The following PROSER1 variants were observed in gnomAD, a reference collection of about 807,000 sequenced individuals.
PROSER1 encodes the protein proline and serine-rich protein 1.
In PROSER1, 36 loss-of-function variants were observed where a neutral mutation model predicts 71.8. The ratio of observed to expected loss-of-function variants is 0.50; its 90% CI spans 0.38 to 0.66. PROSER1 has a LOEUF of 0.66. Among genes scored for constraint, PROSER1 ranks in the 30% least tolerant of loss-of-function variants. The probability of loss-of-function intolerance (pLI) is 0.00; values close to 1 mark genes in which losing one functional copy is unlikely to be tolerated. For missense variants in PROSER1, 1,107 were observed against 1,135.0 expected (o/e 0.98, Z 0.35); for synonymous variants, 490 against 452.4 (o/e 1.08, Z -1.06).
At chr13:39,020,766 G>A (rs923365407) in intron 9 of PROSER1, among the ~76,000 whole-genome samples, 3 of 152,140 alleles carry the variant, frequency 2.0e-5, no homozygotes, top group Non-Finnish European at 1.5e-5. Flanking sequence ...CTGGTATAGG[G>A]TTTTTGGAGA....
rs747366923 is a variant in PROSER1 at position 39,022,364 on chromosome 13, G to A, written c.692C>T (p.Pro231Leu). 6.2e-7 allele frequency: 1 copy of A among 1,612,806 alleles called. No individual in the cohort carries two copies. The change falls in exon 9 of 13, where the codon CCA (proline) becomes CTA (leucine). Residue 231 changes from proline to leucine, a missense_variant. By Grantham distance (98) the Pro-to-Leu change is moderately conservative. Transcript: ENST00000352251. ...GLVPLANVIA[P>L]PPPPYTPNPV... is the part of the protein sequence containing the mutation. ...ATTAGGAGTATATGGAGGTGGAGGT[G>A]GAGCTATGACATTCGCTAATGGTAC...
rs147842168 is a variant in PROSER1, at chr13:39,012,847, G to T, written c.2405C>A (p.Ala802Asp). The change falls in exon 11 of 13, where the codon GCT becomes GAT. Residue 802 changes from alanine to aspartate, a missense_variant. Transcript: ENST00000352251. The part of the protein sequence containing the change: ...SVSNTPSVTP[A>D]LPSFPGLQAP... ...CTGCAGCCCCGGGAATGAGGGAAGA[G>T]CAGGGGTAACGCTTGGGGTATTAGA... 1 of 1,614,226 alleles carries T rather than the reference G, an allele frequency of 6.2e-7. No homozygotes were observed. The highest frequency in any genetic ancestry group is 1.1e-5 in the South Asian group (1 of 91,080).
chr13:39,009,873 AAAG>A lies in PROSER1; in HGVS notation c.*1489_*1491del, dbSNP rs1289464558. On this transcript the variant is annotated 3_prime_UTR_variant, in exon 13 of 13. Coordinates refer to ENST00000352251, the MANE Select transcript of PROSER1 (RefSeq NM_025138.5). ...ATATAAAAAACACAATATAATCTTA[AAAG>A]AAGTTTTATGGGTATAGATTTAAGA... is the stretch of plus-strand genomic sequence containing the variant. 1 of 152,640 alleles carries A rather than the reference AAAG, an allele frequency of 6.6e-6. No homozygotes were observed. The highest frequency in any genetic ancestry group is 2.4e-5 in the African/African-American group (1 of 41,456). 9.5% of individuals were successfully genotyped at this position (152,640 alleles called of 1,614,324 possible).
Position 39,037,514 on chromosome 13 carries a change from G to C in PROSER1, c.-272C>G, listed in dbSNP as rs971295179. 8 of 356,182 alleles carry C rather than the reference G, an allele frequency of 2.2e-5. No homozygotes were observed. Among genetic ancestry groups the C allele is most frequent in the Non-Finnish European group, 3.5e-5 (7 of 197,384 alleles). 22.1% of individuals were successfully genotyped at this position (356,182 alleles called of 1,614,324 possible). A position where few individuals can be genotyped will look rare whatever the true frequency, so the allele number is the denominator to read the frequency against. On this transcript the variant is annotated 5_prime_UTR_variant, in exon 1 of 13. Coordinates refer to ENST00000352251, the MANE Select transcript of PROSER1 (RefSeq NM_025138.5). ...TTCACACAATGGTTCAGGGCACCTC[G>C]GGCAAGAGCCAGGTCCTCTGAGTTT...
At chr13:39,015,603 T>C (rs1251813414) in intron 10 of PROSER1, among the ~76,000 whole-genome samples, 1 of 151,788 alleles carries the variant, frequency 6.6e-6, no homozygotes, top group African/African-American at 2.4e-5. Flanking sequence ...AGGAAGAAAA[T>C]GGAGGTAAAC....
Position 39,028,340 on chromosome 13 carries a change from T to C in PROSER1, c.276-20A>G, listed in dbSNP as rs772696731. The C allele has an allele frequency of 2.8e-6, 4 of 1,450,638 alleles. No homozygotes were observed. The highest frequency in any genetic ancestry group is 1.7e-5 in the Admixed American group (1 of 58,932). The allele number at this position is 1,450,638 out of a possible 1,614,324, so 89.9% of individuals were successfully genotyped here. A position where few individuals can be genotyped will look rare whatever the true frequency, so the allele number is the denominator to read the frequency against. On this transcript the variant is annotated intron_variant, in intron 4 of 12. Coordinates refer to ENST00000352251, the MANE Select transcript of PROSER1 (RefSeq NM_025138.5). Reference sequence around the variant, plus strand: ...ATGTTCCTACCAAGAAAACACAATTTAGCTTTTTGTTTAAAAATCTGAACA... The same window carrying C: ...ATGTTCCTACCAAGAAAACACAATTCAGCTTTTTGTTTAAAAATCTGAACA...
intron 7 of PROSER1, chr13:39,023,393 C>G: frequency 3.1e-6 from 1 of 327,582 alleles, no homozygotes; most frequent in South Asian, 6.3e-5. Flanking sequence ...GGGGTTAGAT[C>G]TCATTGTAAA....
chr13:39,019,426 G>T (rs188695122), intron 9 of PROSER1, among the ~76,000 whole-genome samples: 1 of 143,436 alleles, frequency 7.0e-6, no homozygotes, highest in African/African-American at 2.6e-5. Context: ...TGAGGCAGGA[G>T]AATTGCTTGA....
chr13:39,037,385 A>G lies in PROSER1; in HGVS notation c.-143T>C, dbSNP rs1025063867. 2.4e-5 allele frequency: 16 copies of G among 666,160 alleles called. No homozygotes were observed. Among genetic ancestry groups the G allele is most frequent in the African/African-American group, 2.2e-4 (12 of 54,740 alleles). The allele number at this position is 666,160 out of a possible 1,614,324, so 41.3% of individuals were successfully genotyped here. On this transcript the variant is annotated 5_prime_UTR_variant, in exon 1 of 13. Coordinates refer to ENST00000352251, the MANE Select transcript of PROSER1 (RefSeq NM_025138.5). ...CGAGCAAGAGAGGATGCGAAGAGGT[A>G]GAGAGTATTGCAAACTTCGCAAAAA...
intron 2 of PROSER1, among the ~76,000 whole-genome samples, chr13:39,033,510 T>G (rs941221498): frequency 6.6e-6 from 1 of 152,250 alleles, no homozygotes; most frequent in East Asian, 1.9e-4. Context: ...TATTAATATT[T>G]ATGCCTGACT....
chr13:39,037,279 CT>C lies in PROSER1; in HGVS notation c.-38del. On this transcript the variant is annotated 5_prime_UTR_variant, in exon 1 of 13. Transcript: ENST00000352251. Reference sequence around the variant, plus strand: ...TCCCGACGTGGTTTTAACAGTTATACTTGCAATTAAAAGACGTTCATCCCTG... The same window carrying C: ...TCCCGACGTGGTTTTAACAGTTATACTGCAATTAAAAGACGTTCATCCCTG... 6.6e-7 allele frequency: 1 copy of C among 1,512,180 alleles called. No homozygotes were observed. The highest frequency in any genetic ancestry group is 1.4e-5 in the African/African-American group (1 of 72,900). The allele number at this position is 1,512,180 out of a possible 1,614,324, so 93.7% of individuals were successfully genotyped here.
intron 2 of PROSER1, among the ~76,000 whole-genome samples, chr13:39,033,017 T>A (rs1870930602): frequency 6.6e-6 from 1 of 151,334 alleles, no homozygotes; most frequent in Admixed American, 6.6e-5. Context: ...GCCTCCTGGG[T>A]TCAAGCAATT....
At chr13:39,011,641 T>C (rs180920048) in intron 12 of PROSER1, among the ~76,000 whole-genome samples, 154 bp from the exon 13 acceptor site, 1 of 152,326 alleles carries the variant, frequency 6.6e-6, no homozygotes, top group Admixed American at 6.5e-5. Flanking sequence ...CACTTAAAAT[T>C]TTTAAGAAAA....
chr13:39,023,385 G>A (rs1455132178), intron 7 of PROSER1: 8 of 338,150 alleles, frequency 2.4e-5, no homozygotes, highest in Non-Finnish European at 4.4e-5. Flanking sequence ...TCCAATAAGG[G>A]GTTAGATCTC....
intron 10 of PROSER1, among the ~76,000 whole-genome samples, chr13:39,014,679 T>C (rs957382813): frequency 6.6e-6 from 1 of 152,226 alleles, no homozygotes; most frequent in African/African-American, 2.4e-5. Context: ...AGTTTTCGTC[T>C]AGACTCTGCT....
intron 9 of PROSER1, among the ~76,000 whole-genome samples, chr13:39,018,473 GACACACACACACACAC>G (rs56659534): frequency 4.7e-4 from 56 of 120,250 alleles, no homozygotes; most frequent in East Asian, 2.4e-3. Flanking sequence ...TTTAAAACCC[GACACACACACACACAC>G]ACACACACAC....
In PROSER1 at chr13:39,026,336, T is replaced by C; in HGVS notation, c.421A>G (p.Thr141Ala). The C allele has an allele frequency of 6.2e-7, 1 of 1,612,700 alleles. No individual in the cohort carries two copies. Among genetic ancestry groups the C allele is most frequent in the Non-Finnish European group, 8.5e-7 (1 of 1,179,622 alleles). The part of the protein sequence containing the change: ...APHAMISSCG[T>A]IPGNPYPKGR... ...TTGGGATATGGATTTCCTGGGATTGTTCCACAAGAAGATATCATAGCATGA... is the reference window on the plus strand; with the variant it reads ...TTGGGATATGGATTTCCTGGGATTGCTCCACAAGAAGATATCATAGCATGA... Residue 141 changes from threonine to alanine, a missense_variant, in exon 6 of 13, where the codon ACA becomes GCA. By Grantham distance (58) the Thr-to-Ala change is moderately conservative. Coordinates refer to ENST00000352251, the MANE Select transcript of PROSER1 (RefSeq NM_025138.5).
intron 2 of PROSER1, among the ~76,000 whole-genome samples, chr13:39,032,659 T>C (rs1460961868): frequency 6.6e-6 from 1 of 152,168 alleles, no homozygotes; most frequent in East Asian, 1.9e-4. Context: ...TTGATAAACG[T>C]CTATGTCCTT....
At position 39,037,438 on chromosome 13, in the gene PROSER1, A is replaced by G. The variant is rs958214210; in HGVS notation, c.-196T>C. 1.8e-6 allele frequency: 1 copy of G among 570,996 alleles called. No homozygotes were observed. The highest frequency in any genetic ancestry group is 1.9e-5 in the African/African-American group (1 of 53,036). The allele number at this position is 570,996 out of a possible 1,614,324, so 35.4% of individuals were successfully genotyped here. A position where few individuals can be genotyped will look rare whatever the true frequency, so the allele number is the denominator to read the frequency against. On this transcript the variant is annotated 5_prime_UTR_variant, in exon 1 of 13. Transcript: ENST00000352251. ...ATTTCTAAAAATTGAGATTCAGAAAAACTCTTTTTATTAAAAAGAAAAAAC... is the reference window on the plus strand; with the variant it reads ...ATTTCTAAAAATTGAGATTCAGAAAGACTCTTTTTATTAAAAAGAAAAAAC...
Sources: gnomAD v4.1 joint callset for allele counts (sites outside exome capture counted in the v4.1 genomes callset) on GRCh38, gnomAD v4.1.1 for gene constraint, MANE v1.5 for transcripts, NCBI Gene and HGNC (gene_info 2026-07-23, HGNC 2026-07-21) for gene names.